The following BPGM variants were observed in gnomAD, a reference collection of about 807,000 sequenced individuals.
The protein encoded by BPGM is bisphosphoglycerate mutase.
BPGM carries 15 observed loss-of-function variants against 21.6 expected under a neutral mutation model. The ratio of observed to expected loss-of-function variants is 0.70; its 90% CI spans 0.47 to 1.07. The LOEUF (loss-of-function observed/expected upper bound fraction) is 1.07, where lower values mean the gene tolerates loss of function less well. BPGM is among the 50% of genes least tolerant of loss of function. The probability of loss-of-function intolerance (pLI) is 0.00; values close to 1 mark genes in which losing one functional copy is unlikely to be tolerated. For synonymous variants in BPGM, 113 were observed against 116.2 expected (o/e 0.97, Z 0.18); for missense variants, 273 against 319.0 (o/e 0.86, Z 1.10).
At chr7:134,658,915 A>G (rs1795685775) in intron 1 of BPGM, among the ~76,000 whole-genome samples, 1 of 36,162 alleles carries the variant, frequency 2.8e-5, no homozygotes, top group African/African-American at 2.6e-4. Flanking sequence ...TAAAAAGAAA[A>G]CAGAACTTTG....
At chr7:134,674,048 G>C (rs1308366314) in intron 2 of BPGM, among the ~76,000 whole-genome samples, 1 of 151,768 alleles carries the variant, frequency 6.6e-6, no homozygotes, top group African/African-American at 2.4e-5. Flanking sequence ...AAGTAGCTGG[G>C]ATTACAGGCG....
rs558923966 is a variant in BPGM, at chr7:134,662,711, C to T, written c.601+603C>T. Among the ~76,000 whole-genome samples, 103 of 152,260 alleles carry T rather than the reference C, an allele frequency of 6.8e-4. 1 individual carries two copies. The highest frequency in any genetic ancestry group is 2.3e-3 in the African/African-American group (97 of 41,534). ...AACTTCTTTTCAGAACAGGCTTAGT[C>T]ATTGACTGGAAGAAAGTTAGGGGGA... On this transcript the variant is annotated intron_variant, in intron 2 of 2. Coordinates refer to ENST00000344924, the MANE Select transcript of BPGM (RefSeq NM_001724.5).
chr7:134,656,569 TCA>T (rs1297130916), intron 1 of BPGM, among the ~76,000 whole-genome samples: 1 of 152,176 alleles, frequency 6.6e-6, no homozygotes, highest in East Asian at 1.9e-4. Context: ...ATGTCCTTCT[TCA>T]CATGGTGGCA....
chr7:134,661,868 G>A lies in BPGM; in HGVS notation c.361G>A (p.Val121Ile), dbSNP rs1330864878. 1 of 1,607,944 alleles carries A rather than the reference G, an allele frequency of 6.2e-7. No individual in the cohort carries two copies. Residue 121 changes from valine to isoleucine, a missense_variant, in exon 2 of 3, where the codon GTA (valine) becomes ATA (isoleucine). Val to Ile is a conservative substitution (Grantham distance 29, BLOSUM62 3). Coordinates refer to ENST00000344924, the MANE Select transcript of BPGM (RefSeq NM_001724.5). The surrounding 1 kb of genome is among the most constrained non-coding windows in gnomAD (Gnocchi z 4.6). ...QVRLWRRSYN[V>I]TPPPIEESHP... Reference sequence around the variant, plus strand: ...GAGGCTCTGGAGAAGAAGCTACAATGTAACCCCGCCTCCCATTGAGGAGTC... The same window carrying A: ...GAGGCTCTGGAGAAGAAGCTACAATATAACCCCGCCTCCCATTGAGGAGTC...
chr7:134,664,321 T>C (rs1224363327), intron 2 of BPGM, among the ~76,000 whole-genome samples: 1 of 152,172 alleles, frequency 6.6e-6, no homozygotes, highest in Non-Finnish European at 1.5e-5. Context: ...TAGGAGACAA[T>C]TCTTCCTTGC....
intron 1 of BPGM, among the ~76,000 whole-genome samples, chr7:134,655,747 T>TTA (rs1795627271): frequency 6.6e-6 from 1 of 152,212 alleles, no homozygotes. Context: ...CTCTCAAGCC[T>TTA]TAGTCTCATG....
chr7:134,647,402 A>G (rs985904427), intron 1 of BPGM: 1 of 152,172 alleles, frequency 6.6e-6, no homozygotes, highest in African/African-American at 2.4e-5. Flanking sequence ...GTGAAAAGAG[A>G]AGGAGGTGAA....
chr7:134,661,425 CTTG>C lies in BPGM; in HGVS notation c.-61-16_-61-14del, dbSNP rs769667625. 4.0e-5 allele frequency: 64 copies of C among 1,583,272 alleles called. No homozygotes were observed. Among genetic ancestry groups the C allele is most frequent in the African/African-American group, 1.2e-4 (9 of 74,270 alleles). ...GATTGTCAGTTGAATATAACTTAGA[CTTG>C]TTGTTCTTGTCTTTCTAGATGTATT... is the stretch of plus-strand genomic sequence containing the variant. On this transcript the variant is annotated intron_variant, in intron 1 of 2. Coordinates refer to ENST00000344924, the MANE Select transcript of BPGM (RefSeq NM_001724.5). This position sits in a 1 kb window ranked among gnomAD's most constrained non-coding sequence, Gnocchi z 4.6.
intron 1 of BPGM, among the ~76,000 whole-genome samples, chr7:134,649,800 T>C (rs963639652): frequency 1.3e-5 from 2 of 152,226 alleles, no homozygotes; most frequent in Non-Finnish European, 2.9e-5. Flanking sequence ...CATTCCTCCT[T>C]CTACCACCTA....
intron 1 of BPGM, among the ~76,000 whole-genome samples, chr7:134,651,029 C>G (rs1297472582): frequency 1.4e-4 from 22 of 152,148 alleles, no homozygotes; most frequent in Admixed American, 1.4e-3. Context: ...TCTCTGTCCT[C>G]AAATAATAGC....
intron 1 of BPGM, among the ~76,000 whole-genome samples, chr7:134,648,403 G>C (rs561605499): frequency 6.6e-6 from 1 of 152,292 alleles, no homozygotes; most frequent in South Asian, 2.1e-4. Flanking sequence ...CCAAAGTGCT[G>C]GGATTACAGG....
chr7:134,666,036 C>T (rs1795816143), intron 2 of BPGM, among the ~76,000 whole-genome samples: 1 of 151,960 alleles, frequency 6.6e-6, no homozygotes, highest in Non-Finnish European at 1.5e-5. Flanking sequence ...TACCACCACA[C>T]CTGGCTAATT....
Position 134,679,059 on chromosome 7 carries a change from A to G in BPGM, c.*28A>G, listed in dbSNP as rs1276779648. 2 of 1,610,632 alleles carry G rather than the reference A, an allele frequency of 1.2e-6. No individual in the cohort carries two copies. The highest frequency in any genetic ancestry group is 1.7e-5 in the Admixed American group (1 of 59,986). On this transcript the variant is annotated 3_prime_UTR_variant, in exon 3 of 3. Transcript: ENST00000344924. ...TTTCTCAACTGTTGGCTAAGAAGAAATGCAAAAGAAGTGGCATAGGAGTGT... is the reference window on the plus strand; with the variant it reads ...TTTCTCAACTGTTGGCTAAGAAGAAGTGCAAAAGAAGTGGCATAGGAGTGT...
intron 1 of BPGM, among the ~76,000 whole-genome samples, chr7:134,659,898 T>C (rs1328205587): frequency 6.6e-6 from 1 of 152,148 alleles, no homozygotes; most frequent in African/African-American, 2.4e-5. Flanking sequence ...ATGACTGATA[T>C]TCAGTAATTG....
At chr7:134,656,830 C>T (rs1212363986) in intron 1 of BPGM, among the ~76,000 whole-genome samples, 2 of 152,200 alleles carry the variant, frequency 1.3e-5, no homozygotes, top group African/African-American at 2.4e-5. Flanking sequence ...TTCCAACAGT[C>T]GCCCAAAGTC....
At chr7:134,655,406 A>C (rs111917739) in intron 1 of BPGM, among the ~76,000 whole-genome samples, 1,643 of 152,244 alleles carry the variant, frequency 0.011, 35 homozygotes, top group African/African-American at 0.037. Context: ...ACCCCTGTGA[A>C]GTGAAGCCAA....
intron 1 of BPGM, among the ~76,000 whole-genome samples, chr7:134,659,029 T>C (rs1165520768): frequency 6.6e-6 from 1 of 152,094 alleles, no homozygotes; most frequent in Non-Finnish European, 1.5e-5. Flanking sequence ...GTCCCCTTGA[T>C]ATAGTTTATA....
chr7:134,648,139 T>TTTG (rs1554409879), intron 1 of BPGM, among the ~76,000 whole-genome samples: 24 of 148,824 alleles, frequency 1.6e-4, no homozygotes, highest in African/African-American at 6.0e-4. Flanking sequence ...TTGGTTTTTT[T>TTTG]TTTGTTTTGT....
intron 2 of BPGM, among the ~76,000 whole-genome samples, chr7:134,676,836 T>A (rs148394679): frequency 2.0e-5 from 3 of 152,302 alleles, no homozygotes; most frequent in Non-Finnish European, 4.4e-5. Context: ...AGTGGTCACC[T>A]GACTCCAAAC....
Sources: gnomAD v4.1 joint callset for allele counts (sites outside exome capture counted in the v4.1 genomes callset) on GRCh38, gnomAD v4.1.1 for gene constraint, Gnocchi (gnomAD v3.1) non-coding constraint, MANE v1.5 for transcripts, NCBI Gene and HGNC (gene_info 2026-07-23, HGNC 2026-07-21) for gene names.